Variants in NF2 observed in about 807,000 individuals in gnomAD.
The protein encoded by NF2 is merlin.
In NF2, 8 loss-of-function variants were observed where a neutral mutation model predicts 83.7. That is an observed-to-expected ratio of 0.10 (90% CI 0.06 to 0.17). The LOEUF is 0.17. NF2 is among the 10% of genes least tolerant of loss of function. The pLI is 1.00. For missense variants in NF2, 533 were observed against 744.4 expected, an observed-to-expected ratio of 0.72 and a Z score of 3.31; for synonymous variants, 266 against 269.6, an observed-to-expected ratio of 0.99 and a Z score of 0.13.
At chr22:29,652,006 C>T (rs1020572785) in intron 4 of NF2, among the ~76,000 whole-genome samples, 2 of 152,122 alleles carry the variant, frequency 1.3e-5, no homozygotes, top group Admixed American at 6.6e-5. Context: ...TAATACCTGA[C>T]TTTCACCATA....
chr22:29,693,175 A>C (rs887772219), intron 15 of NF2, among the ~76,000 whole-genome samples: 1 of 152,190 alleles, frequency 6.6e-6, no homozygotes, highest in Non-Finnish European at 1.5e-5. Flanking sequence ...ATCACAGGGC[A>C]CATAACTCCT....
intron 6 of NF2, among the ~76,000 whole-genome samples, chr22:29,656,407 C>CTTTTTTT (rs59440855): frequency 3.7e-5 from 3 of 81,706 alleles, no homozygotes; most frequent in Non-Finnish European, 4.5e-5. Flanking sequence ...GGGATATATT[C>CTTTTTTT]TTTTTTTTTT....
chr22:29,611,384 A>G (rs112374666), intron 1 of NF2, among the ~76,000 whole-genome samples: 23 of 152,032 alleles, frequency 1.5e-4, no homozygotes, highest in Non-Finnish European at 2.7e-4. Flanking sequence ...AAAATTAGCC[A>G]GGTGTGGTGG....
Position 29,668,399 on chromosome 22 carries a change from G to A in NF2, c.952G>A (p.Val318Ile), listed in dbSNP as rs996057882. ...MRRRKADSLE[V>I]QQMKAQAREE... is the part of the protein sequence containing the mutation. ...GAGAAGGAAAGCCGATTCTTTGGAA[G>A]TTCAGCAGATGAAAGCCCAGGCCAG... is the stretch of plus-strand genomic sequence containing the variant. The change falls in exon 10 of 16, where the codon GTT becomes ATT. Residue 318 changes from valine to isoleucine, a missense_variant. By Grantham distance (29) the Val-to-Ile change is conservative. This residue lies in a region of NF2 where 326 missense variants were observed against 475.1 expected (regional missense o/e 0.69). Transcript: ENST00000338641. 5 of 1,613,922 alleles carry A rather than the reference G, an allele frequency of 3.1e-6. No homozygotes were observed. Among genetic ancestry groups the A allele is most frequent in the Admixed American group, 1.7e-5 (1 of 60,006 alleles).
At chr22:29,683,123 C>T in intron 15 of NF2, 1 of 1,614,142 alleles carries the variant, frequency 6.2e-7, no homozygotes, top group Non-Finnish European at 8.5e-7. Context: ...TGATACTAAC[C>T]CGTGCATGAG....
At chr22:29,612,111 G>A (rs908303901) in intron 1 of NF2, among the ~76,000 whole-genome samples, 6 of 152,088 alleles carry the variant, frequency 3.9e-5, no homozygotes, top group Non-Finnish European at 7.4e-5. Flanking sequence ...AGGTTAAAGC[G>A]ATTCTCCTGC....
intron 7 of NF2, among the ~76,000 whole-genome samples, chr22:29,660,229 G>A (rs569954754): frequency 3.3e-5 from 5 of 152,286 alleles, no homozygotes; most frequent in East Asian, 3.9e-4. Flanking sequence ...CACCCGCCGC[G>A]GGCTGCTCTG....
chr22:29,667,126 A>G (rs2066646226), intron 9 of NF2, among the ~76,000 whole-genome samples: 1 of 152,228 alleles, frequency 6.6e-6, no homozygotes, highest in African/African-American at 2.4e-5. Flanking sequence ...TACAGACCCA[A>G]CAGTAGTGGG....
Position 29,603,801 on chromosome 22 carries a change from C to T in NF2, c.-198C>T. On this transcript the variant is annotated 5_prime_UTR_variant, in exon 1 of 16. Transcript: ENST00000338641. The stretch of plus-strand genomic sequence containing the variant: ...CTCCCTGCAGCCGTCAGGGCCCGTC[C>T]CCCAACTCCCCTTTCCGCTCAGGCA... 1 of 576,862 alleles carries T rather than the reference C, an allele frequency of 1.7e-6. No individual in the cohort carries two copies. The highest frequency in any genetic ancestry group is 3.1e-6 in the Non-Finnish European group (1 of 327,354). The allele number at this position is 576,862 out of a possible 1,614,324, so 35.7% of individuals were successfully genotyped here.
intron 1 of NF2, among the ~76,000 whole-genome samples, chr22:29,625,851 A>T (rs564614753): frequency 6.6e-6 from 1 of 152,286 alleles, no homozygotes; most frequent in African/African-American, 2.4e-5. Context: ...TCTTTGCCAA[A>T]TTTGGACCGA....
intron 1 of NF2, among the ~76,000 whole-genome samples, chr22:29,606,217 GTGT>G (rs1172879458): frequency 6.6e-6 from 1 of 152,228 alleles, no homozygotes; most frequent in Non-Finnish European, 1.5e-5. Flanking sequence ...GCCTCCCAAA[GTGT>G]TGGGATTATA....
intron 15 of NF2, among the ~76,000 whole-genome samples, chr22:29,685,167 G>C (rs1393107831): frequency 6.6e-6 from 1 of 151,864 alleles, no homozygotes; most frequent in Non-Finnish European, 1.5e-5. Context: ...ACCCAGGCTG[G>C]TACATTCTCG....
chr22:29,611,879 T>G (rs2064960472), intron 1 of NF2, among the ~76,000 whole-genome samples: 1 of 152,204 alleles, frequency 6.6e-6, no homozygotes, highest in Non-Finnish European at 1.5e-5. Flanking sequence ...AAAATTCCAT[T>G]TACAATAACC....
intron 1 of NF2, among the ~76,000 whole-genome samples, chr22:29,622,730 A>G (rs1345551936): frequency 7.7e-6 from 1 of 129,998 alleles, no homozygotes; most frequent in Non-Finnish European, 1.5e-5. Flanking sequence ...ATCTCTGCTC[A>G]CTGCAACCTC....
intron 4 of NF2, among the ~76,000 whole-genome samples, chr22:29,651,702 C>T (rs2066152082): frequency 6.6e-6 from 1 of 152,220 alleles, no homozygotes; most frequent in Non-Finnish European, 1.5e-5. Flanking sequence ...GAAGTTCTTT[C>T]AGCAGGGTCT....
At chr22:29,643,236 C>T (rs1365136922) in intron 4 of NF2, among the ~76,000 whole-genome samples, 1 of 151,648 alleles carries the variant, frequency 6.6e-6, no homozygotes, top group African/African-American at 2.4e-5. Context: ...CCACCTTGGC[C>T]TCCCAAAGTG....
At chr22:29,683,152 C>G (rs879086625) in intron 15 of NF2, 38 of 1,613,640 alleles carry the variant, frequency 2.4e-5, no homozygotes, top group Non-Finnish European at 3.0e-5. Context: ...TCTCTGTCCT[C>G]GGGCCACACT....
chr22:29,644,044 C>T lies in NF2; in HGVS notation c.447+1759C>T, dbSNP rs576697271. Among the ~76,000 whole-genome samples the T allele has an allele frequency of 9.9e-4, 150 of 151,264 alleles. 7 individuals carry two copies. The South Asian group carries it at 0.031, about 31-fold the overall frequency. ...CTGACCCCCCCACCTCCCTCCCGGA[C>T]GGGGTGGCTGCCGGGCGGAGACGCT... On this transcript the variant is annotated intron_variant, in intron 4 of 15. Transcript: ENST00000338641.
At chr22:29,616,819 T>A (rs1474493710) in intron 1 of NF2, among the ~76,000 whole-genome samples, 2 of 152,120 alleles carry the variant, frequency 1.3e-5, no homozygotes, top group Admixed American at 6.5e-5. Context: ...GTTGGATTTG[T>A]CCTGTGGGCC....
Sources: gnomAD v4.1 joint callset for allele counts (sites outside exome capture counted in the v4.1 genomes callset) on GRCh38, gnomAD v4.1.1 for gene constraint, gnomAD v4.1.1 regional missense constraint, MANE v1.5 for transcripts, NCBI Gene and HGNC (gene_info 2026-07-23, HGNC 2026-07-21) for gene names.